The following FARS2 variants were observed in gnomAD, a reference collection of about 807,000 sequenced individuals.
FARS2 encodes the protein phenylalanyl-tRNA synthetase 2, mitochondrial.
A neutral mutation model predicts 46.4 loss-of-function variants in FARS2; 40 were observed. The ratio of observed to expected loss-of-function variants is 0.86; its 90% CI spans 0.67 to 1.12. FARS2 has a LOEUF of 1.12. FARS2 is among the 50% of genes most tolerant of loss of function. The probability of loss-of-function intolerance (pLI) is 0.00; values close to 1 mark genes in which losing one functional copy is unlikely to be tolerated. For missense variants in FARS2, 513 were observed against 567.9 expected, an observed-to-expected ratio of 0.90 and a Z score of 0.98; for synonymous variants, 234 against 214.9, an observed-to-expected ratio of 1.09 and a Z score of -0.78.
chr6:5,451,584 G>A (rs1427197018), intron 4 of FARS2: 2 of 152,108 alleles, frequency 1.3e-5, no homozygotes, highest in Non-Finnish European at 2.9e-5. Flanking sequence ...GGACATTGGG[G>A]ACATCAGTCT....
chr6:5,395,987 C>A (rs1760876743), intron 2 of FARS2, among the ~76,000 whole-genome samples: 1 of 152,118 alleles, frequency 6.6e-6, no homozygotes. Flanking sequence ...AATGTCATAG[C>A]CCACTGACAT....
At chr6:5,667,167 A>G (rs913945430) in intron 6 of FARS2, among the ~76,000 whole-genome samples, 3 of 152,234 alleles carry the variant, frequency 2.0e-5, no homozygotes, top group Non-Finnish European at 4.4e-5. Flanking sequence ...AAGTTTCCCT[A>G]TATGACAAAC....
chr6:5,610,925 C>T (rs1561750876), intron 5 of FARS2, among the ~76,000 whole-genome samples: 2 of 152,220 alleles, frequency 1.3e-5, no homozygotes, highest in Non-Finnish European at 2.9e-5. Flanking sequence ...CACTAGCTCA[C>T]GCAGTTAGAA....
chr6:5,767,303 G>A (rs1223821618), intron 6 of FARS2, among the ~76,000 whole-genome samples: 11 of 152,206 alleles, frequency 7.2e-5, no homozygotes, highest in East Asian at 5.8e-4. Context: ...TGATCCACCC[G>A]TCTTGGCCTC....
intron 2 of FARS2, among the ~76,000 whole-genome samples, chr6:5,392,930 ATG>A (rs4053245): frequency 0.24 from 32,237 of 134,316 alleles, 6,271 homozygotes; most frequent in African/African-American, 0.52. Flanking sequence ...ATATACATAT[ATG>A]TGTGTGTGTA....
intron 6 of FARS2, among the ~76,000 whole-genome samples, chr6:5,629,358 G>A (rs1316203187): frequency 6.6e-6 from 1 of 152,172 alleles, no homozygotes; most frequent in African/African-American, 2.4e-5. Context: ...CTCAAGAAAT[G>A]TTTGCGGATT....
At chr6:5,736,047 G>A (rs985810662) in intron 6 of FARS2, among the ~76,000 whole-genome samples, 8 of 152,198 alleles carry the variant, frequency 5.3e-5, no homozygotes, top group African/African-American at 1.4e-4. Flanking sequence ...GATTTCTCAC[G>A]GGGTTGCAGC....
intron 4 of FARS2, among the ~76,000 whole-genome samples, chr6:5,451,104 C>G (rs892710686): frequency 2.6e-5 from 4 of 152,084 alleles, no homozygotes; most frequent in African/African-American, 9.7e-5. Flanking sequence ...TGCTTTCATT[C>G]TGAACTTTTT....
intron 4 of FARS2, among the ~76,000 whole-genome samples, chr6:5,510,326 T>C (rs1370156968): frequency 1.3e-5 from 2 of 152,188 alleles, no homozygotes; most frequent in East Asian, 3.8e-4. Flanking sequence ...GGGGAGATGC[T>C]GCCTGGTCCC....
At chr6:5,684,044 A>G (rs865823849) in intron 6 of FARS2, among the ~76,000 whole-genome samples, 7 of 152,174 alleles carry the variant, frequency 4.6e-5, no homozygotes. Context: ...GGTTGGTTCC[A>G]AGCCTTTGCT....
chr6:5,322,585 C>A (rs368169658), intron 1 of FARS2, among the ~76,000 whole-genome samples: 35 of 151,956 alleles, frequency 2.3e-4, no homozygotes, highest in Middle Eastern at 3.4e-3. Flanking sequence ...TGGTTTGTTT[C>A]CTTTTGGTTA....
rs1007760241 is a variant in FARS2 at position 5,741,885 on chromosome 6, CA to C, written c.1218-29404del. Among the ~76,000 whole-genome samples the C allele has an allele frequency of 4.7e-4, 71 of 152,306 alleles. 1 individual carries two copies. The highest frequency in any genetic ancestry group is 1.6e-3 in the African/African-American group (67 of 41,572). Reference sequence around the variant, plus strand: ...CAGGCTGGTCTCGAACTCCTGACCTCAAGTGATCCGCCCGCCTCAGCCTCCC... The same window carrying C: ...CAGGCTGGTCTCGAACTCCTGACCTCAGTGATCCGCCCGCCTCAGCCTCCC... On this transcript the variant is annotated intron_variant, in intron 6 of 6. Coordinates refer to ENST00000274680, the MANE Select transcript of FARS2 (RefSeq NM_006567.5).
chr6:5,705,214 T>A (rs1172244334), intron 6 of FARS2, among the ~76,000 whole-genome samples: 2 of 152,120 alleles, frequency 1.3e-5, no homozygotes, highest in Non-Finnish European at 2.9e-5. Context: ...ATAAAGTAAA[T>A]AGAAAATATA....
chr6:5,752,116 C>T lies in FARS2; in HGVS notation c.1218-19175C>T, dbSNP rs549307754. 6.6e-5 allele frequency among the ~76,000 whole-genome samples: 10 copies of T among 152,270 alleles called. No individual in the cohort carries two copies. The East Asian group carries it at 1.2e-3, about 18-fold the overall frequency. On this transcript the variant is annotated intron_variant, in intron 6 of 6. Transcript: ENST00000274680. ...ACGAAACACTCAAGCTTCCTCCCTA[C>T]CCTCCTCTTCCAGGAAGATGTCATA...
intron 4 of FARS2, among the ~76,000 whole-genome samples, chr6:5,494,126 C>CTT (rs56775720): frequency 2.3e-5 from 3 of 131,224 alleles, no homozygotes; most frequent in Non-Finnish European, 5.0e-5. Flanking sequence ...TTTTTTTTTT[C>CTT]TTTTTTTTTT....
chr6:5,473,202 C>T (rs1038189913), intron 4 of FARS2, among the ~76,000 whole-genome samples: 4 of 152,108 alleles, frequency 2.6e-5, no homozygotes, highest in Admixed American at 6.6e-5. Flanking sequence ...TTGTAACTCA[C>T]GCATGTTGGA....
intron 5 of FARS2, among the ~76,000 whole-genome samples, chr6:5,577,762 G>A (rs1773072111): frequency 6.6e-6 from 1 of 150,494 alleles, no homozygotes; most frequent in Non-Finnish European, 1.5e-5. Context: ...TAATTGGATT[G>A]CCATTGTATC....
chr6:5,478,194 A>T (rs1275434020), intron 4 of FARS2, among the ~76,000 whole-genome samples: 2 of 152,218 alleles, frequency 1.3e-5, no homozygotes, highest in Non-Finnish European at 1.5e-5. Flanking sequence ...GCGCAGATTG[A>T]TGTGGCTGTA....
At chr6:5,688,526 C>T (rs764007822) in intron 6 of FARS2, among the ~76,000 whole-genome samples, 3 of 152,238 alleles carry the variant, frequency 2.0e-5, no homozygotes, top group African/African-American at 7.2e-5. Flanking sequence ...TATGTTGAAG[C>T]AGCCTTGCAT....
Sources: allele counts gnomAD v4.1 joint callset (sites outside exome capture counted in the v4.1 genomes callset), GRCh38; gene constraint gnomAD v4.1.1; transcripts MANE v1.5; gene names NCBI Gene and HGNC (gene_info 2026-07-23, HGNC 2026-07-21).